The following TFEC variants were observed in gnomAD, a reference collection of about 807,000 sequenced individuals.
TFEC encodes class E basic helix-loop-helix protein 34.
In TFEC, 31 loss-of-function variants were observed where a neutral mutation model predicts 41.6. The ratio of observed to expected loss-of-function variants is 0.74; its 90% CI spans 0.56 to 1.01. The LOEUF (loss-of-function observed/expected upper bound fraction) is 1.01. TFEC is among the 50% of genes least tolerant of loss of function. The pLI, the probability that TFEC is intolerant of heterozygous loss-of-function variation, is 0.00. For missense variants in TFEC, 402 were observed against 404.1 expected (o/e 0.99, Z 0.04); for synonymous variants, 143 against 140.6 (o/e 1.02, Z -0.12).
intron 1 of TFEC, among the ~76,000 whole-genome samples, chr7:116,158,406 A>G (rs1364404597): frequency 6.6e-6 from 1 of 152,160 alleles, no homozygotes; most frequent in Non-Finnish European, 1.5e-5. Context: ...TTTAGTTGTG[A>G]AAAATTATGC....
chr7:115,979,073 A>C (rs1459541859), intron 2 of TFEC, among the ~76,000 whole-genome samples: 1 of 152,124 alleles, frequency 6.6e-6, no homozygotes, highest in East Asian at 1.9e-4. Context: ...ACAGTTCAAC[A>C]TGTTTTAAGG....
At chr7:116,112,236 A>C (rs1797871412) in intron 1 of TFEC, among the ~76,000 whole-genome samples, 1 of 152,028 alleles carries the variant, frequency 6.6e-6, no homozygotes, top group Non-Finnish European at 1.5e-5. Context: ...ATCTGGAAAA[A>C]TAAGGGAACA....
intron 4 of TFEC, among the ~76,000 whole-genome samples, chr7:115,955,816 CTA>C (rs1159469004): frequency 1.3e-5 from 2 of 151,724 alleles, no homozygotes; most frequent in Non-Finnish European, 2.9e-5. Flanking sequence ...TTATTTAAAA[CTA>C]TAGTCATTAA....
chr7:115,944,145 A>G (rs545427818), intron 6 of TFEC, among the ~76,000 whole-genome samples: 243 of 149,644 alleles, frequency 1.6e-3, no homozygotes, highest in African/African-American at 5.7e-3. Flanking sequence ...GTTGTAGAGG[A>G]GAGTAAAGAT....
At chr7:116,123,519 C>A (rs1348115914) in intron 1 of TFEC, among the ~76,000 whole-genome samples, 1 of 151,900 alleles carries the variant, frequency 6.6e-6, no homozygotes. Flanking sequence ...ATGCCACTTC[C>A]CTACAAAAAA....
At chr7:115,982,573 G>A (rs768140349) in intron 2 of TFEC, among the ~76,000 whole-genome samples, 1 of 152,140 alleles carries the variant, frequency 6.6e-6, no homozygotes, top group African/African-American at 2.4e-5. Context: ...TACAGACTCA[G>A]TAAAACTGTG....
At chr7:116,082,434 G>C (rs572682604) in intron 3 of TFEC, among the ~76,000 whole-genome samples, 1 of 151,870 alleles carries the variant, frequency 6.6e-6, no homozygotes, top group Non-Finnish European at 1.5e-5. Flanking sequence ...TAACTCACCA[G>C]AACTATTTTG....
At chr7:116,036,701 T>C (rs1223156634) in intron 3 of TFEC, among the ~76,000 whole-genome samples, 1 of 152,070 alleles carries the variant, frequency 6.6e-6, no homozygotes, top group African/African-American at 2.4e-5. Flanking sequence ...CTCAAGGAGT[T>C]TAAAATCTAA....
At chr7:116,116,570 CAAT>C (rs893861608) in intron 1 of TFEC, among the ~76,000 whole-genome samples, 11 of 151,878 alleles carry the variant, frequency 7.2e-5, no homozygotes, top group African/African-American at 1.9e-4. Flanking sequence ...AGGATTTCAA[CAAT>C]GAGAGGAATA....
chr7:116,068,012 G>T (rs1233275400), intron 3 of TFEC, among the ~76,000 whole-genome samples: 2 of 151,212 alleles, frequency 1.3e-5, no homozygotes, highest in African/African-American at 4.9e-5. Flanking sequence ...ATATATCTAA[G>T]ACATTTGAAA....
intron 3 of TFEC, among the ~76,000 whole-genome samples, chr7:116,048,451 A>G (rs1796226105): frequency 6.6e-6 from 1 of 152,256 alleles, no homozygotes; most frequent in African/African-American, 2.4e-5. Flanking sequence ...AAAAGAAATG[A>G]ACAAAGCCTT....
intron 3 of TFEC, among the ~76,000 whole-genome samples, chr7:116,096,767 T>C (rs1327045899): frequency 1.3e-5 from 2 of 152,190 alleles, no homozygotes; most frequent in Non-Finnish European, 2.9e-5. Context: ...GTGCTCAAAG[T>C]ATTTAGACAA....
At chr7:115,945,702 C>A (rs1791495647) in intron 6 of TFEC, among the ~76,000 whole-genome samples, 1 of 151,720 alleles carries the variant, frequency 6.6e-6, no homozygotes, top group Non-Finnish European at 1.5e-5. Context: ...CAAATAATAA[C>A]CCTCCTTTCT....
chr7:116,110,441 G>A (rs1257610140), intron 3 of TFEC, among the ~76,000 whole-genome samples: 1 of 152,080 alleles, frequency 6.6e-6, no homozygotes, highest in Non-Finnish European at 1.5e-5. Flanking sequence ...CAATGATGTA[G>A]ATGATAATGA....
At chr7:116,001,381 GC>G (rs1304382884) in intron 1 of TFEC, among the ~76,000 whole-genome samples, 1 of 151,972 alleles carries the variant, frequency 6.6e-6, no homozygotes, top group Non-Finnish European at 1.5e-5. Flanking sequence ...TGTAGTGCCA[GC>G]GAATCGGGAG....
At chr7:116,035,176 TA>T (rs1161089547), upstream of TFEC, among the ~76,000 whole-genome samples, 1 of 151,966 alleles carries the variant, frequency 6.6e-6, no homozygotes, top group Non-Finnish European at 1.5e-5. Context: ...TTTATAATCA[TA>T]AAAAAATTCC....
chr7:116,040,919 A>G (rs1384234572), intron 3 of TFEC, among the ~76,000 whole-genome samples: 1 of 152,232 alleles, frequency 6.6e-6, no homozygotes, highest in Admixed American at 6.5e-5. Context: ...AGCAAAATAA[A>G]TTAGATATAC....
chr7:115,951,177 CA>C (rs1562884010), intron 5 of TFEC, among the ~76,000 whole-genome samples: 1 of 151,964 alleles, frequency 6.6e-6, no homozygotes, highest in African/African-American at 2.4e-5. Context: ...CATTTTGTCA[CA>C]AAACATTTTT....
rs138614424 is a variant in TFEC at position 116,027,419 on chromosome 7, C to CA, written c.-73+3213dup. Among the ~76,000 whole-genome samples, 11 of 151,584 alleles carry CA rather than the reference C, an allele frequency of 7.3e-5. No homozygotes were observed. In the South Asian group the frequency reaches 1.5e-3, roughly 20 times the overall value. On this transcript the variant is annotated intron_variant, in intron 1 of 7. Transcript: ENST00000265440. ...AACATGGCGAGACCCCCCATCTCTACAAAAAAATACAAAAAAATAAAAAGA... is the reference window on the plus strand; with the variant it reads ...AACATGGCGAGACCCCCCATCTCTACAAAAAAAATACAAAAAAATAAAAAGA...
Sources: allele counts gnomAD v4.1 joint callset (sites outside exome capture counted in the v4.1 genomes callset), GRCh38; gene constraint gnomAD v4.1.1; transcripts MANE v1.5; gene names NCBI Gene and HGNC (gene_info 2026-07-23, HGNC 2026-07-21).